SLC35F3: variants seen among roughly 807,000 people sequenced by gnomAD.
SLC35F3 encodes putative thiamine transporter SLC35F3.
SLC35F3 carries 25 observed loss-of-function variants against 49.9 expected under a neutral mutation model. The observed-to-expected ratio is 0.50, with a 90% confidence interval of 0.37 to 0.70. The LOEUF (loss-of-function observed/expected upper bound fraction) is 0.70, where lower values mean the gene tolerates loss of function less well. Ranked by LOEUF, SLC35F3 falls within the 30% of genes least tolerant of loss-of-function variation. SLC35F3 has a pLI of 0.00. For synonymous variants in SLC35F3, 275 were observed against 265.4 expected (o/e 1.04, Z -0.35); for missense variants, 525 against 639.8 (o/e 0.82, Z 1.94).
chr1:233,992,311 C>G (rs1377209621), intron 2 of SLC35F3, among the ~76,000 whole-genome samples: 2 of 152,200 alleles, frequency 1.3e-5, no homozygotes, highest in Non-Finnish European at 2.9e-5. Context: ...AAGAACACCT[C>G]AAGCTGGGTA....
chr1:234,225,790 G>A (rs886475270), intron 2 of SLC35F3, among the ~76,000 whole-genome samples: 1 of 152,212 alleles, frequency 6.6e-6, no homozygotes, highest in Non-Finnish European at 1.5e-5. Flanking sequence ...CATGTCCATC[G>A]ATAGATGAAT....
At chr1:234,316,862 C>G in intron 5 of SLC35F3, 135 bp downstream of exon 5, 1 of 1,118,220 alleles carries the variant, frequency 8.9e-7, no homozygotes, top group Non-Finnish European at 1.2e-6. Flanking sequence ...CTCTAGATAG[C>G]TGGAGTCAAC....
At chr1:234,240,143 CTGATAA>C (rs374380670) in intron 3 of SLC35F3, among the ~76,000 whole-genome samples, 63 of 152,262 alleles carry the variant, frequency 4.1e-4, no homozygotes, top group African/African-American at 1.4e-3. Flanking sequence ...TAAAATGATG[CTGATAA>C]TGATAATGAT....
At chr1:234,094,671 C>A (rs905831625) in intron 2 of SLC35F3, among the ~76,000 whole-genome samples, 7 of 152,208 alleles carry the variant, frequency 4.6e-5, no homozygotes, top group Non-Finnish European at 1.0e-4. Flanking sequence ...CCCTCTCTAT[C>A]TCTACAGTTT....
intron 2 of SLC35F3, among the ~76,000 whole-genome samples, chr1:234,159,443 G>A (rs112195347): frequency 0.017 from 2,564 of 152,140 alleles, 68 homozygotes; most frequent in African/African-American, 0.059. Flanking sequence ...TGGGCGTGGT[G>A]GCAGGTGCCT....
At chr1:234,255,708 C>G (rs537083) in intron 3 of SLC35F3, among the ~76,000 whole-genome samples, 119,823 of 152,154 alleles carry the variant, frequency 0.79, 47,761 homozygotes, top group African/African-American at 0.92. Context: ...TAACATTCTG[C>G]AAAAGGCAAA....
chr1:234,055,083 C>G (rs879621078), intron 2 of SLC35F3, among the ~76,000 whole-genome samples: 2 of 152,186 alleles, frequency 1.3e-5, no homozygotes, highest in Non-Finnish European at 1.5e-5. Context: ...TTAGACTACT[C>G]GGGGGTCAGG....
In SLC35F3 at chr1:233,936,537, T is replaced by G. The variant is rs574198724; in HGVS notation, c.283+30779T>G. On this transcript the variant is annotated intron_variant, in intron 2 of 7. Transcript: ENST00000366618. ...TTGTTCTCCTCCTCCTCCTCCTTCT[T>G]CCTCCTCCTCCTCCTCTTTCTTCTT... Among the ~76,000 whole-genome samples, 453 of 146,056 alleles carry G rather than the reference T, an allele frequency of 3.1e-3. 1 individual carries two copies. The highest frequency in any genetic ancestry group is 0.018 in the Middle Eastern group (5 of 284).
At chr1:234,054,618 A>T (rs1327826498) in intron 2 of SLC35F3, among the ~76,000 whole-genome samples, 1 of 152,034 alleles carries the variant, frequency 6.6e-6, no homozygotes, top group Non-Finnish European at 1.5e-5. Flanking sequence ...TTTATTACCG[A>T]TTGTCTGAAG....
chr1:234,320,718 G>A lies in SLC35F3; in HGVS notation c.1237+531G>A, dbSNP rs919489283. Among the ~76,000 whole-genome samples the A allele has an allele frequency of 6.6e-6, 1 of 152,154 alleles. No homozygotes were observed. Among genetic ancestry groups the A allele is most frequent in the Non-Finnish European group, 1.5e-5 (1 of 68,022 alleles). ...ACCTCCGGGAAGACAGGGAGAGAAC[G>A]CCCTTTGCCCAGGAACTCGGGACTG... is the stretch of plus-strand genomic sequence containing the variant. On this transcript the variant is annotated intron_variant, in intron 7 of 7. Coordinates refer to ENST00000366618, the MANE Select transcript of SLC35F3 (RefSeq NM_173508.4). This position sits in a 1 kb window ranked among gnomAD's most constrained non-coding sequence, Gnocchi z 4.8.
chr1:233,912,588 C>T (rs942129742), intron 2 of SLC35F3, among the ~76,000 whole-genome samples: 7 of 152,176 alleles, frequency 4.6e-5, no homozygotes, highest in Admixed American at 6.5e-5. Flanking sequence ...CCCGCTTTAT[C>T]GGAGGGAGAA....
At position 234,089,771 on chromosome 1, in the gene SLC35F3, A is replaced by G. The variant is rs145716512; in HGVS notation, c.284-141646A>G. On this transcript the variant is annotated intron_variant, in intron 2 of 7. Transcript: ENST00000366618. ...GAGGGGATAGGTTGGGGCTCTGTCC[A>G]CCTATAAATATTGAGGTACCCTTGT... Among the ~76,000 whole-genome samples, 1,157 of 152,274 alleles carry G rather than the reference A, an allele frequency of 7.6e-3. 9 individuals are homozygous for G. The highest frequency in any genetic ancestry group is 0.024 in the African/African-American group (1,014 of 41,540).
chr1:234,228,091 T>C (rs1041080541), intron 2 of SLC35F3, among the ~76,000 whole-genome samples: 4 of 152,248 alleles, frequency 2.6e-5, no homozygotes, highest in African/African-American at 9.6e-5. Context: ...CATCTGAGTT[T>C]GCTCCAGTCC....
At chr1:233,976,650 A>G (rs1663087818) in intron 2 of SLC35F3, among the ~76,000 whole-genome samples, 1 of 152,038 alleles carries the variant, frequency 6.6e-6, no homozygotes, top group East Asian at 1.9e-4. Context: ...TCACTCTGTC[A>G]CCCAGACTGG....
At chr1:234,051,953 C>T (rs1433971554) in intron 2 of SLC35F3, among the ~76,000 whole-genome samples, 2 of 152,088 alleles carry the variant, frequency 1.3e-5, no homozygotes, top group Non-Finnish European at 2.9e-5. Flanking sequence ...TATTGATTTG[C>T]GTATGTTGAA....
chr1:233,965,992 C>T (rs1419795312), intron 2 of SLC35F3, among the ~76,000 whole-genome samples: 1 of 152,126 alleles, frequency 6.6e-6, no homozygotes, highest in African/African-American at 2.4e-5. Context: ...GGTGAAATCT[C>T]CATGGTCTGG....
rs76619935 is a variant in SLC35F3, at chr1:234,166,572, T to C, written c.284-64845T>C. The stretch of plus-strand genomic sequence containing the variant: ...AGCTGGGGCTTAGACTCTAGGGGTA[T>C]GTTTGGCAGAGACAGGCTGAGGGTG... On this transcript the variant is annotated intron_variant, in intron 2 of 7. Coordinates refer to ENST00000366618, the MANE Select transcript of SLC35F3 (RefSeq NM_173508.4). Among the ~76,000 whole-genome samples the C allele has an allele frequency of 7.6e-3, 1,161 of 152,250 alleles. 20 individuals carry two copies. Among genetic ancestry groups the C allele is most frequent in the African/African-American group, 0.025 (1,049 of 41,540 alleles).
At position 234,231,481 on chromosome 1, in the gene SLC35F3, C is replaced by T. The variant is rs1272910905; in HGVS notation, c.348C>T (p.Ala116=). Residue 116 remains alanine, a synonymous_variant, in exon 3 of 8, where the codon GCC becomes GCT. Coordinates refer to ENST00000366618, the MANE Select transcript of SLC35F3 (RefSeq NM_173508.4). The surrounding 1 kb of genome is among the most constrained non-coding windows in gnomAD (Gnocchi z 5.4). The part of the protein sequence containing the change: ...AEAQAPAGVE[A]GGRASRRCWT... ...CCCAGGCACCGGCCGGGGTGGAGGCCGGCGGGAGAGCGAGTCGCCGCTGCT... is the reference window on the plus strand; with the variant it reads ...CCCAGGCACCGGCCGGGGTGGAGGCTGGCGGGAGAGCGAGTCGCCGCTGCT... The T allele has an allele frequency of 5.0e-6, 8 of 1,611,894 alleles. No homozygotes were observed. In the East Asian group the frequency reaches 1.1e-4, roughly 22 times the overall value.
chr1:234,010,703 A>G (rs556049256), intron 2 of SLC35F3, among the ~76,000 whole-genome samples: 2 of 152,214 alleles, frequency 1.3e-5, no homozygotes, highest in East Asian at 1.9e-4. Flanking sequence ...AGATCCTTGA[A>G]TATTTGCTTT....
Sources: allele counts gnomAD v4.1 joint callset (sites outside exome capture counted in the v4.1 genomes callset), GRCh38; gene constraint gnomAD v4.1.1; non-coding constraint Gnocchi (gnomAD v3.1); transcripts MANE v1.5; gene names NCBI Gene and HGNC (gene_info 2026-07-23, HGNC 2026-07-21).